Variants in MCTP1 observed in about 807,000 individuals in gnomAD.
MCTP1 encodes multiple C2 and transmembrane domain containing 1, also known as multiple C2 and transmembrane domain-containing protein 1.
Under a neutral mutation model 120.6 loss-of-function variants are expected in MCTP1, and 69 were observed. The observed-to-expected ratio is 0.57, with a 90% CI of 0.47 to 0.70. MCTP1 has a LOEUF of 0.70. Ranked by LOEUF, MCTP1 falls within the 30% of genes least tolerant of loss-of-function variation. The pLI is 0.00. For missense variants in MCTP1, 1,203 were observed against 1,248.8 expected, an observed-to-expected ratio of 0.96 and a Z score of 0.55; for synonymous variants, 529 against 493.1, an observed-to-expected ratio of 1.07 and a Z score of -0.96.
At chr5:94,857,365 G>A (rs959000686) in intron 17 of MCTP1, among the ~76,000 whole-genome samples, 7 of 151,578 alleles carry the variant, frequency 4.6e-5, no homozygotes, top group African/African-American at 1.2e-4. Context: ...GCATTTTTCC[G>A]TTTATAATCT....
At chr5:95,220,254 C>G (rs768953672) in intron 1 of MCTP1, among the ~76,000 whole-genome samples, 9 of 151,616 alleles carry the variant, frequency 5.9e-5, no homozygotes, top group Non-Finnish European at 1.3e-4. Flanking sequence ...ACTTGATTTT[C>G]ATAGTACAAT....
At chr5:94,711,388 A>G (rs1660637694) in intron 20 of MCTP1, among the ~76,000 whole-genome samples, 1 of 152,096 alleles carries the variant, frequency 6.6e-6, no homozygotes, top group South Asian at 2.1e-4. Flanking sequence ...TAACTCTTAC[A>G]TGGTTGTGTT....
At chr5:94,856,260 T>G (rs529426543) in intron 17 of MCTP1, among the ~76,000 whole-genome samples, 192 of 151,916 alleles carry the variant, frequency 1.3e-3, no homozygotes, top group African/African-American at 4.2e-3. Flanking sequence ...TCCTCTAACA[T>G]TTCTCTTCTA....
intron 17 of MCTP1, among the ~76,000 whole-genome samples, chr5:94,819,412 T>C (rs923136877): frequency 2.6e-5 from 4 of 152,162 alleles, no homozygotes; most frequent in Non-Finnish European, 5.9e-5. Context: ...ATTACAGGCA[T>C]GAGCCACCAT....
At chr5:94,966,772 G>A (rs1474089683) in intron 2 of MCTP1, among the ~76,000 whole-genome samples, 4 of 151,770 alleles carry the variant, frequency 2.6e-5, no homozygotes, top group Admixed American at 1.3e-4. Context: ...TCCAGCCTGG[G>A]CGACAAAGCG....
At chr5:95,060,975 T>G (rs1362293287) in intron 1 of MCTP1, among the ~76,000 whole-genome samples, 2 of 142,456 alleles carry the variant, frequency 1.4e-5, no homozygotes, top group Admixed American at 7.0e-5. Context: ...GAAAAGAAAA[T>G]AATGAAGAAT....
chr5:94,848,401 G>T (rs561007452), intron 17 of MCTP1, among the ~76,000 whole-genome samples: 1 of 151,808 alleles, frequency 6.6e-6, no homozygotes, highest in Non-Finnish European at 1.5e-5. Context: ...GTCACCCTCC[G>T]AGAAAATGCC....
intron 1 of MCTP1, among the ~76,000 whole-genome samples, chr5:95,238,207 C>T (rs943092071): frequency 6.6e-6 from 1 of 152,162 alleles, no homozygotes; most frequent in African/African-American, 2.4e-5. Context: ...AGCCTCTCCA[C>T]AGTTTCTTTC....
intron 11 of MCTP1, among the ~76,000 whole-genome samples, chr5:94,892,376 T>C (rs779743150): frequency 9.7e-4 from 148 of 152,290 alleles, no homozygotes; most frequent in Non-Finnish European, 9.7e-4. Context: ...CTAAACTAGC[T>C]CCTCTGGTTT....
intron 5 of MCTP1, among the ~76,000 whole-genome samples, chr5:94,937,381 G>A (rs1816446859): frequency 1.3e-5 from 2 of 152,002 alleles, no homozygotes; most frequent in South Asian, 4.1e-4. Flanking sequence ...ATTTCAGGAG[G>A]AACTTTTTGT....
intron 1 of MCTP1, among the ~76,000 whole-genome samples, chr5:95,111,341 G>A (rs1757438219): frequency 6.6e-6 from 1 of 152,112 alleles, no homozygotes; most frequent in African/African-American, 2.4e-5. Flanking sequence ...TAAATTGGGG[G>A]AAATTACATC....
In MCTP1 at chr5:95,075,962, T is replaced by C. The variant is rs547901517; in HGVS notation, c.721-58478A>G. On this transcript the variant is annotated intron_variant, in intron 1 of 22. Coordinates refer to ENST00000515393, the MANE Select transcript of MCTP1 (RefSeq NM_024717.7). Reference sequence around the variant, plus strand: ...TCTGTCTGGTGTATTAATGATTCTTTGCAGCTATTTACACATTTAAAGTAC... The same window carrying C: ...TCTGTCTGGTGTATTAATGATTCTTCGCAGCTATTTACACATTTAAAGTAC... Among the ~76,000 whole-genome samples the C allele has an allele frequency of 4.6e-5, 7 of 152,354 alleles. No homozygotes were observed. The South Asian group carries it at 1.4e-3, about 32-fold the overall frequency.
rs577594875 is a variant in MCTP1 at position 94,810,246 on chromosome 5, T to G, written c.2437-11114A>C. ...TATTAAAAGCAGTTTCCTTTTAAAC[T>G]TTTAAAGAAATGAATGTTACCACTC... On this transcript the variant is annotated intron_variant, in intron 17 of 22. Transcript: ENST00000515393. Among the ~76,000 whole-genome samples the G allele has an allele frequency of 5.9e-5, 9 of 152,312 alleles. No individual in the cohort carries two copies. The South Asian group carries it at 1.5e-3, about 25-fold the overall frequency.
chr5:94,897,433 C>A (rs143154267), intron 10 of MCTP1, among the ~76,000 whole-genome samples: 1 of 152,040 alleles, frequency 6.6e-6, no homozygotes, highest in Non-Finnish European at 1.5e-5. Flanking sequence ...CTCAACTCAC[C>A]GTAACCTCTG....
rs1780676253 is a variant in MCTP1, at chr5:94,799,145, G to T, written c.2437-13C>A. 1 of 1,607,942 alleles carries T rather than the reference G, an allele frequency of 6.2e-7. No homozygotes were observed. The highest frequency in any genetic ancestry group is 2.2e-5 in the East Asian group (1 of 44,588). On this transcript the variant is annotated splice_polypyrimidine_tract_variant and intron_variant, in intron 17 of 22. Transcript: ENST00000515393. ...CAAAGAGAAAGAGCTGGAGGAGATA[G>T]AAGAGAGAAGAAGGGATGAGTCAAC...
chr5:95,273,099 T>C (rs1454157678), intron 1 of MCTP1, among the ~76,000 whole-genome samples: 2 of 152,264 alleles, frequency 1.3e-5, no homozygotes, highest in African/African-American at 4.8e-5. Context: ...AGGAGGCAAC[T>C]GTTCTGTGGT....
At chr5:95,247,770 T>C (rs1365299992) in intron 1 of MCTP1, among the ~76,000 whole-genome samples, 2 of 152,212 alleles carry the variant, frequency 1.3e-5, no homozygotes, top group African/African-American at 4.8e-5. Flanking sequence ...TTGTTGTGAT[T>C]TCTATTCTTT....
chr5:94,942,896 C>T (rs549945012), intron 3 of MCTP1, among the ~76,000 whole-genome samples: 103 of 152,096 alleles, frequency 6.8e-4, no homozygotes, highest in African/African-American at 2.3e-3. Context: ...TAAAGTTATA[C>T]TAAGGTTAAG....
chr5:95,045,582 T>C (rs929852459), intron 1 of MCTP1, among the ~76,000 whole-genome samples: 4 of 152,124 alleles, frequency 2.6e-5, no homozygotes, highest in African/African-American at 9.7e-5. Flanking sequence ...TGGTGAAGTG[T>C]CTCAGAATTT....
Sources: allele counts gnomAD v4.1 joint callset (sites outside exome capture counted in the v4.1 genomes callset), GRCh38; gene constraint gnomAD v4.1.1; transcripts MANE v1.5; gene names NCBI Gene and HGNC (gene_info 2026-07-23, HGNC 2026-07-21).